Variants in MCU observed in about 807,000 individuals in gnomAD.
The protein encoded by MCU is mitochondrial calcium uniporter.
Under a neutral mutation model 45.2 loss-of-function variants are expected in MCU, and 12 were observed. The observed-to-expected ratio is 0.27, with a 90% CI of 0.17 to 0.43. The LOEUF is 0.43. Among genes scored for constraint, MCU ranks in the 20% least tolerant of loss-of-function variants. The pLI, the probability that MCU is intolerant of heterozygous loss-of-function variation, is 1.00. For missense variants in MCU, 324 were observed against 436.7 expected (o/e 0.74, Z 2.30); for synonymous variants, 160 against 165.1 (o/e 0.97, Z 0.24).
chr10:72,751,957 A>G (rs1589444564), intron 1 of MCU, among the ~76,000 whole-genome samples: 1 of 151,628 alleles, frequency 6.6e-6, no homozygotes, highest in East Asian at 1.9e-4. Context: ...CTACTGCCTC[A>G]GCATCCCGAG....
chr10:72,780,798 A>G (rs1427147152), intron 1 of MCU, among the ~76,000 whole-genome samples: 3 of 152,092 alleles, frequency 2.0e-5, no homozygotes, highest in African/African-American at 4.8e-5. Context: ...TCCAATGTTA[A>G]TATCTTCCTT....
intron 1 of MCU, among the ~76,000 whole-genome samples, chr10:72,725,826 A>G (rs546019121): frequency 4.6e-5 from 7 of 152,094 alleles, no homozygotes; most frequent in Non-Finnish European, 8.8e-5. Flanking sequence ...GGAGGTTGCA[A>G]TGAGCCAAGA....
intron 2 of MCU, among the ~76,000 whole-genome samples, chr10:72,854,108 T>TGACA (rs1845251252): frequency 6.6e-6 from 1 of 151,796 alleles, no homozygotes; most frequent in Admixed American, 6.6e-5. Flanking sequence ...CCAGCCTGGG[T>TGACA]GACAGAGCAA....
At chr10:72,695,373 G>T (rs1842672993) in intron 1 of MCU, among the ~76,000 whole-genome samples, 1 of 152,166 alleles carries the variant, frequency 6.6e-6, no homozygotes, top group South Asian at 2.1e-4. Flanking sequence ...ACAGAGGCAG[G>T]TCCTAACTCT....
intron 1 of MCU, among the ~76,000 whole-genome samples, chr10:72,759,048 C>T (rs1334095067): frequency 2.6e-5 from 4 of 152,020 alleles, no homozygotes; most frequent in South Asian, 2.1e-4. Flanking sequence ...ATGTCTGTTC[C>T]GCAAGTCTGC....
intron 1 of MCU, among the ~76,000 whole-genome samples, chr10:72,741,154 C>T (rs1843325922): frequency 6.8e-6 from 1 of 146,734 alleles, no homozygotes; most frequent in Non-Finnish European, 1.5e-5. Flanking sequence ...GCCTGGAGTG[C>T]AGTGGCACGA....
chr10:72,692,549 G>A (rs1589419144), intron 1 of MCU: 3 of 1,081,070 alleles, frequency 2.8e-6, no homozygotes. Context: ...CAGGACTGGG[G>A]ACACCAGGGC....
chr10:72,791,891 T>C (rs960854210), intron 1 of MCU, among the ~76,000 whole-genome samples: 1 of 151,946 alleles, frequency 6.6e-6, no homozygotes, highest in African/African-American at 2.4e-5. Context: ...CAGAAGAGAT[T>C]GCTACCTCAG....
At chr10:72,776,486 A>G (rs1411429066) in intron 1 of MCU, among the ~76,000 whole-genome samples, 2 of 152,234 alleles carry the variant, frequency 1.3e-5, no homozygotes, top group Non-Finnish European at 2.9e-5. Flanking sequence ...GTTTCAACAG[A>G]TGCTGAAAAA....
rs57523650 is a variant in MCU, at chr10:72,876,926, T to G, written c.861+5346T>G. Among the ~76,000 whole-genome samples the G allele has an allele frequency of 8.1e-3, 985 of 122,272 alleles. 8 individuals are homozygous for G. The highest frequency in any genetic ancestry group is 0.036 in the South Asian group (144 of 3,994). 80.2% of individuals were successfully genotyped at this position (122,272 alleles called of 152,430 possible). A position where few individuals can be genotyped will look rare whatever the true frequency, so the allele number is the denominator to read the frequency against. On this transcript the variant is annotated intron_variant, in intron 6 of 7. Transcript: ENST00000373053. ...TCACTTAGTATCAAATCACAGTTTT[T>G]TTTTTTTTTTTTTGAGACAGGGTTT... is the stretch of plus-strand genomic sequence containing the variant.
intron 1 of MCU, 143 bp downstream of exon 1, chr10:72,692,444 C>T (rs1842634720): frequency 3.2e-6 from 2 of 618,352 alleles, no homozygotes; most frequent in African/African-American, 4.2e-5. Flanking sequence ...GAGGAGCCGC[C>T]GTGCCCTTCA....
chr10:72,784,175 ATTTTC>A (rs1275214406), intron 1 of MCU, among the ~76,000 whole-genome samples: 4 of 152,152 alleles, frequency 2.6e-5, no homozygotes, highest in African/African-American at 9.7e-5. Context: ...CCAAAAGAAG[ATTTTC>A]TTCTGCTCCC....
intron 1 of MCU, among the ~76,000 whole-genome samples, chr10:72,745,991 T>C (rs766216254): frequency 6.6e-6 from 1 of 152,226 alleles, no homozygotes; most frequent in Non-Finnish European, 1.5e-5. Context: ...AGTGGCTATT[T>C]TTAATGTTTC....
intron 1 of MCU, among the ~76,000 whole-genome samples, chr10:72,723,142 G>T (rs1400221320): frequency 6.6e-6 from 1 of 152,190 alleles, no homozygotes; most frequent in Non-Finnish European, 1.5e-5. Flanking sequence ...CTTGCAGTGA[G>T]CCGAGATTGG....
At chr10:72,837,950 G>A (rs1207289198) in intron 2 of MCU, among the ~76,000 whole-genome samples, 1 of 148,110 alleles carries the variant, frequency 6.8e-6, no homozygotes. Context: ...TCCGCCTCCC[G>A]GGTTCAAGTG....
intron 1 of MCU, among the ~76,000 whole-genome samples, chr10:72,802,299 T>A (rs1844355298): frequency 6.6e-6 from 1 of 151,902 alleles, no homozygotes; most frequent in African/African-American, 2.4e-5. Context: ...TTCAGTAAAG[T>A]ATAGAGTAGG....
rs189778375 is a variant in MCU at position 72,852,076 on chromosome 10, C to G, written c.221-7101C>G. On this transcript the variant is annotated intron_variant, in intron 2 of 7. Transcript: ENST00000373053. ...AATTCAACTCTCTCTACTTCTTGAT[C>G]TGTGGTTACTCTTTTTCACATACAG... Among the ~76,000 whole-genome samples, 534 of 152,244 alleles carry G rather than the reference C, an allele frequency of 3.5e-3. 1 individual carries two copies. Among genetic ancestry groups the G allele is most frequent in the Non-Finnish European group, 5.5e-3 (373 of 68,010 alleles).
chr10:72,703,659 C>T (rs1417945254), intron 1 of MCU, among the ~76,000 whole-genome samples: 2 of 152,126 alleles, frequency 1.3e-5, no homozygotes, highest in African/African-American at 4.8e-5. Context: ...AATCCCAGCA[C>T]TTTGGGAGGT....
chr10:72,806,906 C>A (rs1844461792), intron 1 of MCU, among the ~76,000 whole-genome samples: 1 of 152,172 alleles, frequency 6.6e-6, no homozygotes, highest in Non-Finnish European at 1.5e-5. Context: ...GTTCAAGGAA[C>A]AGTTCAAGAA....
Sources: gnomAD v4.1 joint callset for allele counts (sites outside exome capture counted in the v4.1 genomes callset) on GRCh38, gnomAD v4.1.1 for gene constraint, MANE v1.5 for transcripts, NCBI Gene and HGNC (gene_info 2026-07-23, HGNC 2026-07-21) for gene names.